The following TSHZ3 variants were observed in gnomAD, a reference collection of about 807,000 sequenced individuals.
The protein encoded by TSHZ3 is teashirt homolog 3.
Under a neutral mutation model 64.5 loss-of-function variants are expected in TSHZ3, and 10 were observed. The ratio of observed to expected loss-of-function variants is 0.16; its 90% CI spans 0.10 to 0.26. The LOEUF (loss-of-function observed/expected upper bound fraction) is 0.26, where lower values mean the gene tolerates loss of function less well. Ranked by LOEUF, TSHZ3 falls within the 10% of genes least tolerant of loss-of-function variation. The probability of loss-of-function intolerance (pLI) is 1.00; values close to 1 mark genes in which losing one functional copy is unlikely to be tolerated. For synonymous variants in TSHZ3, 608 were observed against 593.1 expected (o/e 1.03, Z -0.36); for missense variants, 1,242 against 1,421.7 (o/e 0.87, Z 2.03).
chr19:31,166,316 T>A (rs1869843758), intron 5 of TSHZ3, among the ~76,000 whole-genome samples: 1 of 152,208 alleles, frequency 6.6e-6, no homozygotes. Context: ...GATAAGTTCT[T>A]AAAGAGGCAG....
intron 5 of TSHZ3, among the ~76,000 whole-genome samples, chr19:31,175,434 GTT>G: frequency 9.8e-6 from 1 of 102,152 alleles, no homozygotes; most frequent in African/African-American, 4.6e-5. Context: ...TTTTTAATTT[GTT>G]TGTGTTTTTT....
chr19:31,222,962 G>T (rs73927313), intron 4 of TSHZ3, among the ~76,000 whole-genome samples: 2,646 of 152,270 alleles, frequency 0.017, 75 homozygotes, highest in African/African-American at 0.059. Context: ...CCCAACCTTT[G>T]CAAGAAGAAA....
At chr19:31,242,670 G>C (rs534232634) in intron 2 of TSHZ3, among the ~76,000 whole-genome samples, 2 of 152,192 alleles carry the variant, frequency 1.3e-5, no homozygotes, top group Non-Finnish European at 2.9e-5. Flanking sequence ...GATGTCCAAA[G>C]GCAGCAGCAG....
At chr19:31,207,798 A>C (rs1475625972) in intron 4 of TSHZ3, 1 of 152,208 alleles carries the variant, frequency 6.6e-6, no homozygotes, top group African/African-American at 2.4e-5. Flanking sequence ...GCACTTATTC[A>C]TGCTAAACAG....
At chr19:31,350,208 G>T (rs1164764184), upstream of TSHZ3, among the ~76,000 whole-genome samples, 1 of 150,868 alleles carries the variant, frequency 6.6e-6, no homozygotes, top group Non-Finnish European at 1.5e-5. Flanking sequence ...CCCCTCCAGG[G>T]AGGAGGCGGG....
chr19:31,173,481 C>T (rs947040758), intron 5 of TSHZ3, among the ~76,000 whole-genome samples: 1 of 152,210 alleles, frequency 6.6e-6, no homozygotes, highest in Non-Finnish European at 1.5e-5. Flanking sequence ...AATATGTCAT[C>T]TATGCCTCAG....
intron 1 of TSHZ3, among the ~76,000 whole-genome samples, chr19:31,337,154 T>G (rs371927183): frequency 6.6e-6 from 1 of 152,128 alleles, no homozygotes. Context: ...CTTTGATGAT[T>G]GACAACTTTT....
rs1555739568 is a variant in TSHZ3 at position 31,333,150 on chromosome 19, A to AATC, written c.40+16029_40+16030insGAT. ...TAAATAAATAAATAAATAAATAAATAAATCCAGGGGTGAAGGCCACACTCA... is the reference window on the plus strand; with the variant it reads ...TAAATAAATAAATAAATAAATAAATAATCAATCCAGGGGTGAAGGCCACACTCA... On this transcript the variant is annotated intron_variant, in intron 1 of 1. Coordinates refer to ENST00000240587, the MANE Select transcript of TSHZ3 (RefSeq NM_020856.4). Among the ~76,000 whole-genome samples, 304 of 138,048 alleles carry AATC rather than the reference A, an allele frequency of 2.2e-3. 2 individuals carry two copies. Among genetic ancestry groups the AATC allele is most frequent in the African/African-American group, 5.9e-3 (220 of 37,510 alleles). 90.6% of individuals were successfully genotyped at this position (138,048 alleles called of 152,430 possible). A position where few individuals can be genotyped will look rare whatever the true frequency, so the allele number is the denominator to read the frequency against.
intron 3 of TSHZ3, among the ~76,000 whole-genome samples, chr19:31,237,134 C>T (rs950944710): frequency 5.3e-5 from 8 of 152,130 alleles, no homozygotes; most frequent in South Asian, 2.1e-4. Flanking sequence ...GGAGACAGAG[C>T]GAAACTCCGT....
intron 1 of TSHZ3, among the ~76,000 whole-genome samples, chr19:31,251,120 C>A (rs926983023): frequency 1.1e-4 from 16 of 152,114 alleles, no homozygotes; most frequent in Non-Finnish European, 1.5e-5. Context: ...TGGAAGCCTT[C>A]CAGAAATAGA....
chr19:31,319,610 C>T (rs1030912442), intron 1 of TSHZ3, among the ~76,000 whole-genome samples: 2 of 152,158 alleles, frequency 1.3e-5, no homozygotes, highest in Admixed American at 6.5e-5. Context: ...TGAGGAAACC[C>T]GGGCTCACCC....
intron 1 of TSHZ3, among the ~76,000 whole-genome samples, chr19:31,269,936 G>A (rs1026065184): frequency 1.1e-4 from 17 of 152,168 alleles, no homozygotes; most frequent in Admixed American, 5.9e-4. Flanking sequence ...CGCCAGCCAC[G>A]GAGCCAAGTC....
chr19:31,167,944 C>T (rs1038254770), intron 5 of TSHZ3: 2 of 151,988 alleles, frequency 1.3e-5, no homozygotes, highest in Admixed American at 6.6e-5. Context: ...ATGTAAGTCA[C>T]ATATGTATGT....
chr19:31,323,577 A>AGCCGCATC, intron 1 of TSHZ3, among the ~76,000 whole-genome samples: 3 of 152,070 alleles, frequency 2.0e-5, no homozygotes, highest in African/African-American at 7.3e-5. Context: ...GAACTCTACC[A>AGCCGCATC]AGTGGGAGCA....
At chr19:31,338,593 T>C (rs534674676) in intron 1 of TSHZ3, among the ~76,000 whole-genome samples, 1 of 150,608 alleles carries the variant, frequency 6.6e-6, no homozygotes, top group South Asian at 2.1e-4. Context: ...TTTTTTTTTT[T>C]TTTTAGCATG....
rs1030609509 is a variant in TSHZ3, at chr19:31,190,266, C to T, written n.809+14690G>A. Among the ~76,000 whole-genome samples the T allele has an allele frequency of 2.0e-5, 3 of 152,076 alleles. No homozygotes were observed. In the East Asian group the frequency reaches 5.8e-4, roughly 29 times the overall value. ...GTTTTTGGCAGAATTCTAAGACAGG[C>T]ATGCACATGGTATCACTTTACAAGA... is the stretch of plus-strand genomic sequence containing the variant. On this transcript the variant is annotated intron_variant and non_coding_transcript_variant, in intron 5 of 6. Transcript: ENST00000651361.
rs1160334453 is a variant in TSHZ3, at chr19:31,340,338, C to CAAAAAA, written c.40+8836_40+8841dup. On this transcript the variant is annotated intron_variant, in intron 1 of 1. Coordinates refer to ENST00000240587, the MANE Select transcript of TSHZ3 (RefSeq NM_020856.4). ...ATTAATTAGCAACAGGCCTACAGTACAAAAAAAAAAAAAAAAAAAAAAAAA... is the reference window on the plus strand; with the variant it reads ...ATTAATTAGCAACAGGCCTACAGTACAAAAAAAAAAAAAAAAAAAAAAAAAAAAAAA... Among the ~76,000 whole-genome samples the CAAAAAA allele has an allele frequency of 6.1e-5, 2 of 32,754 alleles. 1 individual carries two copies. Among genetic ancestry groups the CAAAAAA allele is most frequent in the Non-Finnish European group, 1.1e-4 (2 of 17,568 alleles). The allele number at this position is 32,754 out of a possible 152,430, so 21.5% of individuals were successfully genotyped here.
intron 6 of TSHZ3, among the ~76,000 whole-genome samples, chr19:31,153,393 A>G (rs1363073635): frequency 4.6e-5 from 7 of 152,228 alleles, no homozygotes; most frequent in African/African-American, 1.7e-4. Flanking sequence ...TCTTACTTAT[A>G]GAGAAAGGAG....
downstream of TSHZ3, among the ~76,000 whole-genome samples, chr19:31,274,379 T>C (rs1976188826): frequency 6.6e-6 from 1 of 152,112 alleles, no homozygotes; most frequent in African/African-American, 2.4e-5. Flanking sequence ...ATGGGTTCAG[T>C]CTCCTCCCAC....
Sources: gnomAD v4.1 joint callset for allele counts (sites outside exome capture counted in the v4.1 genomes callset) on GRCh38, gnomAD v4.1.1 for gene constraint, MANE v1.5 for transcripts, NCBI Gene and HGNC (gene_info 2026-07-23, HGNC 2026-07-21) for gene names.